Variants in CA10 observed in about 807,000 individuals in gnomAD.
The protein encoded by CA10 is carbonic anhydrase-related protein 10.
In CA10, 14 loss-of-function variants were observed where a neutral mutation model predicts 44.2. The observed-to-expected ratio is 0.32, with a 90% confidence interval of 0.21 to 0.50. CA10 has a LOEUF of 0.50. Ranked by LOEUF, CA10 falls within the 20% of genes least tolerant of loss-of-function variation. The probability of loss-of-function intolerance (pLI) is 0.99; values close to 1 mark genes in which losing one functional copy is unlikely to be tolerated. For missense variants in CA10, 350 were observed against 409.7 expected, an observed-to-expected ratio of 0.85 and a Z score of 1.26; for synonymous variants, 159 against 141.6, an observed-to-expected ratio of 1.12 and a Z score of -0.87.
rs1317172090 is a variant in CA10, at chr17:51,946,524, C to T, written c.137-15392G>A. ...CCCGTGGGACCTGTTTTCTGTGGCT[C>T]CTCATCTTGGCCTCTGGCTGGATGA... is the stretch of plus-strand genomic sequence containing the variant. On this transcript the variant is annotated intron_variant, in intron 2 of 8. Transcript: ENST00000451037. 2.6e-5 allele frequency among the ~76,000 whole-genome samples: 4 copies of T among 152,216 alleles called. No individual in the cohort carries two copies. The East Asian group carries it at 5.8e-4, about 22-fold the overall frequency.
At chr17:51,678,408 T>C (rs1914705929) in intron 4 of CA10, among the ~76,000 whole-genome samples, 1 of 152,172 alleles carries the variant, frequency 6.6e-6, no homozygotes, top group African/African-American at 2.4e-5. Context: ...TATAGAACAA[T>C]AAAGGATGAA....
chr17:51,771,262 G>A (rs1313700464), intron 3 of CA10, among the ~76,000 whole-genome samples: 1 of 151,970 alleles, frequency 6.6e-6, no homozygotes, highest in African/African-American at 2.4e-5. Flanking sequence ...CAATACTGGA[G>A]ATTATATTTC....
intron 3 of CA10, among the ~76,000 whole-genome samples, chr17:51,834,174 C>G (rs1484944083): frequency 6.6e-6 from 1 of 152,198 alleles, no homozygotes; most frequent in African/African-American, 2.4e-5. Flanking sequence ...TAGAGCACAA[C>G]TTAATCAGCC....
chr17:51,947,224 CAAAAA>C (rs1198796736), intron 2 of CA10, among the ~76,000 whole-genome samples: 377 of 52,106 alleles, frequency 7.2e-3, no homozygotes, highest in African/African-American at 0.026. Flanking sequence ...TCTTCATGTG[CAAAAA>C]AAAAAAAAAA....
At chr17:51,696,491 T>A (rs1321755547) in intron 4 of CA10, among the ~76,000 whole-genome samples, 4 of 152,204 alleles carry the variant, frequency 2.6e-5, no homozygotes, top group Admixed American at 2.6e-4. Flanking sequence ...CCTTTGGTAA[T>A]CTAGCTAGTG....
intron 3 of CA10, among the ~76,000 whole-genome samples, chr17:51,759,426 T>C (rs529710637): frequency 2.0e-5 from 3 of 148,166 alleles, no homozygotes; most frequent in Non-Finnish European, 4.5e-5. Flanking sequence ...ATATATTTAA[T>C]ATATGTAAAT....
chr17:51,856,807 G>C (rs55873345), intron 3 of CA10, among the ~76,000 whole-genome samples: 2,507 of 152,272 alleles, frequency 0.016, 68 homozygotes, highest in African/African-American at 0.058. Context: ...CTTATGAAAG[G>C]CTCCAAAGCG....
At chr17:51,767,264 T>G (rs891182165) in intron 3 of CA10, among the ~76,000 whole-genome samples, 12 of 151,922 alleles carry the variant, frequency 7.9e-5, no homozygotes, top group African/African-American at 2.9e-4. Context: ...TCATACTTCA[T>G]TCATCATTAG....
At chr17:51,754,344 G>A (rs1427694474) in intron 3 of CA10, among the ~76,000 whole-genome samples, 1 of 138,146 alleles carries the variant, frequency 7.2e-6, no homozygotes, top group Non-Finnish European at 1.5e-5. Flanking sequence ...ATAAAGACGG[G>A]TAAAATAAAG....
chr17:51,709,228 C>T (rs570204381), intron 4 of CA10, among the ~76,000 whole-genome samples: 3 of 152,290 alleles, frequency 2.0e-5, no homozygotes, highest in East Asian at 3.9e-4. Flanking sequence ...CAGAAGTCAA[C>T]AAGATGAACA....
intron 1 of CA10, among the ~76,000 whole-genome samples, chr17:52,141,058 A>T (rs1409751025): frequency 6.6e-6 from 1 of 151,924 alleles, no homozygotes; most frequent in East Asian, 1.9e-4. Context: ...CCCCAAAGAG[A>T]AGGGTTATGT....
chr17:51,885,517 C>A (rs1980559922), intron 3 of CA10, among the ~76,000 whole-genome samples: 1 of 152,218 alleles, frequency 6.6e-6, no homozygotes, highest in Admixed American at 6.5e-5. Context: ...ACATATTTCT[C>A]TGTTAAAATC....
chr17:51,983,478 G>A (rs568178357), intron 2 of CA10, among the ~76,000 whole-genome samples: 1 of 151,724 alleles, frequency 6.6e-6, no homozygotes, highest in South Asian at 2.1e-4. Flanking sequence ...TCTCTTGAAT[G>A]CAATAATATA....
intron 1 of CA10, among the ~76,000 whole-genome samples, chr17:52,127,050 A>T (rs142405410): frequency 6.6e-6 from 1 of 152,324 alleles, no homozygotes; most frequent in African/African-American, 2.4e-5. Flanking sequence ...TAATTCAGAC[A>T]GTAATTAAAA....
At chr17:52,037,267 T>C (rs1986645352) in intron 2 of CA10, among the ~76,000 whole-genome samples, 1 of 152,110 alleles carries the variant, frequency 6.6e-6, no homozygotes, top group Non-Finnish European at 1.5e-5. Flanking sequence ...TTCACACCAA[T>C]GCTTAAAAAG....
At chr17:51,731,653 TAAAAAA>T (rs371165542) in intron 4 of CA10, among the ~76,000 whole-genome samples, 1 of 109,190 alleles carries the variant, frequency 9.2e-6, no homozygotes, top group Non-Finnish European at 1.8e-5. Context: ...AAGGGGCTGG[TAAAAAA>T]AAAAAAAAAA....
chr17:52,102,077 C>G (rs973566672), intron 1 of CA10, among the ~76,000 whole-genome samples: 4 of 152,216 alleles, frequency 2.6e-5, no homozygotes, highest in Non-Finnish European at 4.4e-5. Context: ...GCCACCCTGA[C>G]ACCAGCAGCT....
chr17:51,740,593 G>A (rs887103264), intron 4 of CA10, among the ~76,000 whole-genome samples: 12 of 152,168 alleles, frequency 7.9e-5, no homozygotes, highest in Admixed American at 3.3e-4. Context: ...TTTATTCAGA[G>A]TAAAAACCAA....
intron 2 of CA10, among the ~76,000 whole-genome samples, chr17:52,033,929 G>T (rs1197583963): frequency 1.3e-5 from 2 of 152,180 alleles, no homozygotes; most frequent in Non-Finnish European, 2.9e-5. Context: ...AAACAAGCCA[G>T]ATACAAAAAT....
Sources: allele counts gnomAD v4.1 joint callset (sites outside exome capture counted in the v4.1 genomes callset), GRCh38; gene constraint gnomAD v4.1.1; transcripts MANE v1.5; gene names NCBI Gene and HGNC (gene_info 2026-07-23, HGNC 2026-07-21).